Variants in ZC2HC1A observed in about 807,000 individuals in gnomAD.
The protein encoded by ZC2HC1A is zinc finger C2HC-type containing 1A.
Under a neutral mutation model 40.7 loss-of-function variants are expected in ZC2HC1A, and 28 were observed. The ratio of observed to expected loss-of-function variants is 0.69; its 90% CI spans 0.51 to 0.94. ZC2HC1A has a LOEUF of 0.94. Among genes scored for constraint, ZC2HC1A ranks in the 40% least tolerant of loss-of-function variants. The probability of loss-of-function intolerance (pLI) is 0.00; values close to 1 mark genes in which losing one functional copy is unlikely to be tolerated. For missense variants in ZC2HC1A, 389 were observed against 386.3 expected, an observed-to-expected ratio of 1.01 and a Z score of -0.06; for synonymous variants, 129 against 129.2, an observed-to-expected ratio of 1.00 and a Z score of 0.01.
Position 78,678,388 on chromosome 8 carries a change from C to T in ZC2HC1A, c.94-175C>T, listed in dbSNP as rs150757605. On this transcript the variant is annotated intron_variant, in intron 2 of 8. Transcript: ENST00000263849. ...TAACTTAGAGCGTGCATTATATATA[C>T]GTTTTACAACTTAACATTTGGTTAA... 3.2e-3 allele frequency among the ~76,000 whole-genome samples: 493 copies of T among 152,078 alleles called. 2 individuals are homozygous for T. The highest frequency in any genetic ancestry group is 0.011 in the African/African-American group (466 of 41,488).
rs188389723 is a variant in ZC2HC1A, at chr8:78,672,573, T to C, written c.17-3214T>C. Among the ~76,000 whole-genome samples, 299 of 152,276 alleles carry C rather than the reference T, an allele frequency of 2.0e-3. 3 individuals are homozygous for C. The highest frequency in any genetic ancestry group is 0.016 in the Admixed American group (239 of 15,298). On this transcript the variant is annotated intron_variant, in intron 1 of 8. Coordinates refer to ENST00000263849, the MANE Select transcript of ZC2HC1A (RefSeq NM_016010.3). ...CTTCATGCCTTGGAGATTAATAAGA[T>C]AAATTTTGTTTTTAAGGTTTAGTAA... is the stretch of plus-strand genomic sequence containing the variant.
At chr8:78,696,322 C>T (rs1005026290) in intron 5 of ZC2HC1A, among the ~76,000 whole-genome samples, 5 of 152,198 alleles carry the variant, frequency 3.3e-5, no homozygotes, top group Non-Finnish European at 5.9e-5. Flanking sequence ...GCATGAGCCA[C>T]CGTGCCCAGC....
chr8:78,699,915 T>A (rs1222674406), intron 7 of ZC2HC1A, among the ~76,000 whole-genome samples: 8 of 152,166 alleles, frequency 5.3e-5, no homozygotes, highest in Non-Finnish European at 1.2e-4. Flanking sequence ...TTATGAATAG[T>A]GCTGCAGTGA....
intron 2 of ZC2HC1A, among the ~76,000 whole-genome samples, chr8:78,677,801 C>T (rs760297080): frequency 3.9e-5 from 6 of 152,106 alleles, no homozygotes; most frequent in South Asian, 2.1e-4. Flanking sequence ...AGGGCGAGTT[C>T]GCAGTGCAAA....
rs76325204 is a variant in ZC2HC1A, at chr8:78,697,259, G to A, written c.505-148G>A. ...AAGTGTTTTAATACATTAATGATGT[G>A]CAACCATCATCACCATTCATTTCCA... On this transcript the variant is annotated intron_variant, in intron 5 of 8. Transcript: ENST00000263849. 1,966 of 609,178 alleles carry A rather than the reference G, an allele frequency of 3.2e-3. 25 individuals are homozygous for A. In the African/African-American group the frequency reaches 0.033, roughly 10 times the overall value. 37.7% of individuals were successfully genotyped at this position (609,178 alleles called of 1,614,324 possible). A position where few individuals can be genotyped will look rare whatever the true frequency, so the allele number is the denominator to read the frequency against.
chr8:78,666,128 T>C lies in ZC2HC1A; in HGVS notation c.-21T>C. The C allele has an allele frequency of 1.3e-6, 2 of 1,566,368 alleles. No individual in the cohort carries two copies. The highest frequency in any genetic ancestry group is 4.7e-5 in the East Asian group (2 of 42,682). On this transcript the variant is annotated 5_prime_UTR_variant, in exon 1 of 9. Coordinates refer to ENST00000263849, the MANE Select transcript of ZC2HC1A (RefSeq NM_016010.3). ...GCGGGCGCTGCTGAAGGAGTCTCGC[T>C]GAGCTCGAGGAGGTGGCGCGATGGA... is the stretch of plus-strand genomic sequence containing the variant.
chr8:78,697,567 TA>T, intron 6 of ZC2HC1A, 61 bp downstream of exon 6: 1 of 1,240,928 alleles, frequency 8.1e-7, no homozygotes, highest in South Asian at 1.3e-5. Flanking sequence ...GAGCAGGAAA[TA>T]AAGATAGTGG....
rs764372475 is a variant in ZC2HC1A at position 78,666,156 on chromosome 8, G to A, written c.8G>A (p.Gly3Glu). ...GCTCGAGGAGGTGGCGCGATGGAGG[G>A]ACTGGAAGGTGAGGCGATGAAGGGA... Reference protein sequence around the residue: MEGLEENGGVVQV... With the variant: MEELEENGGVVQV... Residue 3 changes from glycine (G) to glutamate (E), a missense_variant, in exon 1 of 9, where the codon GGA becomes GAA. Coordinates refer to ENST00000263849, the MANE Select transcript of ZC2HC1A (RefSeq NM_016010.3). The A allele has an allele frequency of 2.5e-6, 4 of 1,574,350 alleles. No homozygotes were observed. Among genetic ancestry groups the A allele is most frequent in the Non-Finnish European group, 8.6e-7 (1 of 1,160,102 alleles).
intron 4 of ZC2HC1A, 55 bp from the exon 5 acceptor site, chr8:78,689,167 A>G: frequency 7.8e-7 from 1 of 1,289,690 alleles, no homozygotes; most frequent in Non-Finnish European, 1.0e-6. Context: ...AAGATTTTTT[A>G]ATGTCCGTTT....
intron 4 of ZC2HC1A, among the ~76,000 whole-genome samples, chr8:78,686,903 T>C (rs903159908): frequency 6.6e-6 from 1 of 152,162 alleles, no homozygotes; most frequent in Admixed American, 6.6e-5. Context: ...CCAGGAAATA[T>C]TTTAACCATG....
chr8:78,697,272 C>T (rs1810452514), intron 5 of ZC2HC1A, 135 bp from the exon 6 acceptor site: 9 of 649,508 alleles, frequency 1.4e-5, no homozygotes, highest in Non-Finnish European at 2.3e-5. Context: ...ACCATCATCA[C>T]CATTCATTTC....
intron 7 of ZC2HC1A, among the ~76,000 whole-genome samples, chr8:78,714,030 G>C (rs1320136854): frequency 6.6e-6 from 1 of 152,146 alleles, no homozygotes; most frequent in African/African-American, 2.4e-5. Context: ...TATAAGTAGA[G>C]TAAGAAAAAT....
In ZC2HC1A at chr8:78,702,862, G is replaced by A. The variant is rs372869236; in HGVS notation, c.704+4349G>A. 5.9e-5 allele frequency among the ~76,000 whole-genome samples: 9 copies of A among 152,068 alleles called. 2 individuals carry two copies. Among genetic ancestry groups the A allele is most frequent in the South Asian group, 2.1e-4 (1 of 4,784 alleles). ...TTTCAGTTCTTTTGCTTTTACTGAG[G>A]ATGTTTTACATCCAATTATGTGATC... On this transcript the variant is annotated intron_variant, in intron 7 of 8. Coordinates refer to ENST00000263849, the MANE Select transcript of ZC2HC1A (RefSeq NM_016010.3).
At chr8:78,681,390 C>T (rs7823723) in intron 3 of ZC2HC1A, among the ~76,000 whole-genome samples, 113,047 of 152,152 alleles carry the variant, frequency 0.74, 43,060 homozygotes, top group East Asian at 0.91. Flanking sequence ...GTAATAATCA[C>T]AGAGCAGATG....
At chr8:78,709,589 G>C (rs1047499679) in intron 7 of ZC2HC1A, among the ~76,000 whole-genome samples, 1 of 152,002 alleles carries the variant, frequency 6.6e-6, no homozygotes, top group Non-Finnish European at 1.5e-5. Context: ...AAAAGTAGAG[G>C]TATGACACAT....
chr8:78,702,754 T>C (rs1185996274), intron 7 of ZC2HC1A, among the ~76,000 whole-genome samples: 3 of 152,198 alleles, frequency 2.0e-5, no homozygotes, highest in African/African-American at 7.2e-5. Context: ...TCAATTTATA[T>C]GTAGTTGTAG....
In ZC2HC1A at chr8:78,697,480, C is replaced by A; in HGVS notation, c.578C>A (p.Pro193Gln). ...TCAGGATCTTCACGATTACCGCAGC[C>A]AAGTGGCGCTGGCAAAACTGTTGTA... ...ASSGSSRLPQ[P>Q]SGAGKTVVGV... The change falls in exon 6 of 9, where the codon CCA (proline) becomes CAA (glutamine). Residue 193 changes from proline (P) to glutamine (Q), a missense_variant. Pro to Gln is a moderately conservative substitution (Grantham distance 76). Transcript: ENST00000263849. 6.2e-7 allele frequency: 1 copy of A among 1,608,298 alleles called. No homozygotes were observed. The highest frequency in any genetic ancestry group is 8.5e-7 in the Non-Finnish European group (1 of 1,178,706).
At position 78,694,230 on chromosome 8, in the gene ZC2HC1A, T is replaced by C. The variant is rs887546967; in HGVS notation, c.505-3177T>C. On this transcript the variant is annotated intron_variant, in intron 5 of 8. Transcript: ENST00000263849. ...TAAATGTAGTACTCATAGTTGTTTGTAATGTGTGTCTGATAATTATAGCAA... is the reference window on the plus strand; with the variant it reads ...TAAATGTAGTACTCATAGTTGTTTGCAATGTGTGTCTGATAATTATAGCAA... 3.9e-5 allele frequency among the ~76,000 whole-genome samples: 6 copies of C among 152,156 alleles called. No homozygotes were observed. In the East Asian group the frequency reaches 1.2e-3, roughly 29 times the overall value.
intron 5 of ZC2HC1A, among the ~76,000 whole-genome samples, chr8:78,693,627 T>C (rs2130523428): frequency 6.6e-6 from 1 of 152,332 alleles, no homozygotes; most frequent in East Asian, 1.9e-4. Flanking sequence ...AGATTCTGGA[T>C]ATTAGCCCTT....
Sources: gnomAD v4.1 joint callset for allele counts (sites outside exome capture counted in the v4.1 genomes callset) on GRCh38, gnomAD v4.1.1 for gene constraint, MANE v1.5 for transcripts, NCBI Gene and HGNC (gene_info 2026-07-23, HGNC 2026-07-21) for gene names.